Variants in FSTL5 observed in about 807,000 individuals in gnomAD.
The protein encoded by FSTL5 is follistatin-related protein 5.
A neutral mutation model predicts 89.1 loss-of-function variants in FSTL5; 62 were observed. The ratio of observed to expected loss-of-function variants is 0.70; its 90% CI spans 0.57 to 0.86. The LOEUF is 0.86. Ranked by LOEUF, FSTL5 falls within the 40% of genes least tolerant of loss-of-function variation. The probability of loss-of-function intolerance (pLI) is 0.00; values close to 1 mark genes in which losing one functional copy is unlikely to be tolerated. For missense variants in FSTL5, 1,057 were observed against 1,001.6 expected (o/e 1.06, Z -0.75); for synonymous variants, 383 against 346.2 (o/e 1.11, Z -1.18).
intron 4 of FSTL5, among the ~76,000 whole-genome samples, chr4:161,824,097 C>G (rs1198307558): frequency 6.6e-6 from 1 of 152,128 alleles, no homozygotes; most frequent in Non-Finnish European, 1.5e-5. Context: ...AAGCCAATGT[C>G]TAGAAGGGGT....
intron 2 of FSTL5, among the ~76,000 whole-genome samples, chr4:162,034,406 T>A (rs1737654589): frequency 6.6e-6 from 1 of 152,124 alleles, no homozygotes; most frequent in South Asian, 2.1e-4. Context: ...TCAACTGTCT[T>A]TGCTTTAGTT....
chr4:161,511,524 A>G (rs1311610608), intron 10 of FSTL5, among the ~76,000 whole-genome samples: 1 of 152,120 alleles, frequency 6.6e-6, no homozygotes, highest in Non-Finnish European at 1.5e-5. Flanking sequence ...AAATACGAAA[A>G]AAGTATAACT....
intron 1 of FSTL5, among the ~76,000 whole-genome samples, chr4:162,133,304 T>C (rs1334647398): frequency 1.3e-5 from 2 of 152,164 alleles, no homozygotes; most frequent in Non-Finnish European, 2.9e-5. Flanking sequence ...CAGTAAATGA[T>C]TGCACGAGTG....
intron 2 of FSTL5, among the ~76,000 whole-genome samples, chr4:162,069,413 T>G (rs1444675189): frequency 6.6e-6 from 1 of 151,990 alleles, no homozygotes; most frequent in Non-Finnish European, 1.5e-5. Context: ...TCTTCTCTTT[T>G]AGGTATTTTA....
chr4:161,642,090 G>A (rs1425284450), intron 7 of FSTL5, among the ~76,000 whole-genome samples: 1 of 152,142 alleles, frequency 6.6e-6, no homozygotes, highest in Non-Finnish European at 1.5e-5. Flanking sequence ...GCAGCTTGAT[G>A]ATTCGATATA....
At chr4:161,872,135 TTTTTGG>T (rs1732285317) in intron 4 of FSTL5, among the ~76,000 whole-genome samples, 2 of 99,638 alleles carry the variant, frequency 2.0e-5, no homozygotes, top group Admixed American at 1.2e-4. Context: ...TTTGTTTTTT[TTTTTGG>T]TTTTTTTTTT....
At position 161,761,771 on chromosome 4, in the gene FSTL5, C is replaced by T. The variant is rs761349890; in HGVS notation, c.607-2240G>A. Reference sequence around the variant, plus strand: ...GAAGCCAGTCCTGGCTAATAAACTTCTTATTTTTTAAGCCCTTATCATCTA... The same window carrying T: ...GAAGCCAGTCCTGGCTAATAAACTTTTTATTTTTTAAGCCCTTATCATCTA... On this transcript the variant is annotated intron_variant, in intron 5 of 15. Coordinates refer to ENST00000306100, the MANE Select transcript of FSTL5 (RefSeq NM_020116.5). 1.3e-5 allele frequency among the ~76,000 whole-genome samples: 2 copies of T among 152,278 alleles called. 1 individual carries two copies. The highest frequency in any genetic ancestry group is 4.1e-4 in the South Asian group (2 of 4,830).
In FSTL5 at chr4:161,403,456, G is replaced by A. The variant is rs1731254339; in HGVS notation, c.1842-17007C>T. On this transcript the variant is annotated intron_variant, in intron 15 of 15. Transcript: ENST00000306100. ...TTATCACTATGGAAATGTATCCAAA[G>A]GAGGCTAGTTTCTTGCATTTCCTTC... Among the ~76,000 whole-genome samples the A allele has an allele frequency of 3.3e-5, 5 of 152,156 alleles. No homozygotes were observed. The South Asian group carries it at 1.0e-3, about 32-fold the overall frequency.
intron 4 of FSTL5, among the ~76,000 whole-genome samples, chr4:161,820,142 G>T (rs993499581): frequency 3.9e-5 from 6 of 151,924 alleles, no homozygotes; most frequent in African/African-American, 9.7e-5. Context: ...TTTTTGCGTT[G>T]TCTACTATTT....
intron 10 of FSTL5, among the ~76,000 whole-genome samples, chr4:161,525,246 T>G (rs957901718): frequency 5.0e-4 from 76 of 152,310 alleles, no homozygotes; most frequent in African/African-American, 1.8e-3. Context: ...ATGTATTCAG[T>G]GTTGACCACA....
chr4:161,596,498 A>G (rs1444924299), intron 7 of FSTL5, among the ~76,000 whole-genome samples: 2 of 151,958 alleles, frequency 1.3e-5, no homozygotes, highest in South Asian at 2.1e-4. Flanking sequence ...ATTATATTTT[A>G]TTAAACTTAA....
chr4:161,853,745 C>G (rs2126883358), intron 4 of FSTL5, among the ~76,000 whole-genome samples: 1 of 152,204 alleles, frequency 6.6e-6, no homozygotes, highest in African/African-American at 2.4e-5. Context: ...CCTCTTTATC[C>G]TGATCAGAAA....
At chr4:161,679,021 G>A (rs1737422863) in intron 6 of FSTL5, among the ~76,000 whole-genome samples, 1 of 151,530 alleles carries the variant, frequency 6.6e-6, no homozygotes, top group Admixed American at 6.6e-5. Flanking sequence ...CTTTATCTTA[G>A]TATTGAACAC....
chr4:161,677,274 CGA>C (rs1293415405), intron 6 of FSTL5, among the ~76,000 whole-genome samples: 1 of 150,130 alleles, frequency 6.7e-6, no homozygotes. Flanking sequence ...AAAGAGAGCC[CGA>C]GAGAGAGAGA....
At chr4:162,089,331 C>A (rs1450129416) in intron 2 of FSTL5, among the ~76,000 whole-genome samples, 1 of 151,948 alleles carries the variant, frequency 6.6e-6, no homozygotes, top group Non-Finnish European at 1.5e-5. Context: ...TGAATCACTG[C>A]CTTAAAAAAA....
intron 2 of FSTL5, among the ~76,000 whole-genome samples, chr4:162,080,162 T>C (rs1047317442): frequency 2.6e-5 from 4 of 151,644 alleles, no homozygotes; most frequent in African/African-American, 9.7e-5. Flanking sequence ...AGTACTGAGA[T>C]TATTGTATGT....
intron 15 of FSTL5, among the ~76,000 whole-genome samples, chr4:161,413,079 A>G (rs1731648652): frequency 6.6e-6 from 1 of 152,130 alleles, no homozygotes; most frequent in African/African-American, 2.4e-5. Context: ...TTTAAGCTAA[A>G]GAGCTTCTGC....
At chr4:161,851,134 T>G (rs1289437813) in intron 4 of FSTL5, among the ~76,000 whole-genome samples, 4 of 152,234 alleles carry the variant, frequency 2.6e-5, no homozygotes, top group African/African-American at 9.6e-5. Flanking sequence ...TCTCTAGTAA[T>G]TATTATTCCT....
At chr4:162,000,271 C>CAT (rs1161228746) in intron 3 of FSTL5, among the ~76,000 whole-genome samples, 2 of 151,978 alleles carry the variant, frequency 1.3e-5, no homozygotes, top group African/African-American at 2.4e-5. Flanking sequence ...AGACTTCCTA[C>CAT]ATATATATAT....
Sources: allele counts gnomAD v4.1 joint callset (sites outside exome capture counted in the v4.1 genomes callset), GRCh38; gene constraint gnomAD v4.1.1; transcripts MANE v1.5; gene names NCBI Gene and HGNC (gene_info 2026-07-23, HGNC 2026-07-21).